SSBP2: variants seen among roughly 807,000 people sequenced by gnomAD.
The protein encoded by SSBP2 is single stranded DNA binding protein 2, also known as single-stranded DNA-binding protein 2.
A neutral mutation model predicts 61.8 loss-of-function variants in SSBP2; 17 were observed. The observed-to-expected ratio is 0.28, with a 90% CI of 0.19 to 0.41. The LOEUF is 0.41. Ranked by LOEUF, SSBP2 falls within the 10% of genes least tolerant of loss-of-function variation. The pLI, the probability that SSBP2 is intolerant of heterozygous loss-of-function variation, is 1.00. For synonymous variants in SSBP2, 139 were observed against 141.3 expected (o/e 0.98, Z 0.12); for missense variants, 310 against 458.7 (o/e 0.68, Z 2.96).
At chr5:81,467,553 A>G (rs1764973074) in intron 8 of SSBP2, among the ~76,000 whole-genome samples, 2 of 152,034 alleles carry the variant, frequency 1.3e-5, no homozygotes, top group African/African-American at 2.4e-5. Flanking sequence ...AAATACACAA[A>G]AAGTATAAAA....
intron 4 of SSBP2, 105 bp downstream of exon 4, chr5:81,615,368 C>T: frequency 1.2e-6 from 1 of 855,636 alleles, no homozygotes; most frequent in African/African-American, 1.7e-5. Context: ...CAAACAATTT[C>T]TTAAGTACCA....
At chr5:81,547,723 T>C (rs960147969) in intron 4 of SSBP2, among the ~76,000 whole-genome samples, 2 of 152,218 alleles carry the variant, frequency 1.3e-5, no homozygotes, top group Admixed American at 1.3e-4. Flanking sequence ...TCCTCCTGCC[T>C]TGGACTCACA....
chr5:81,566,145 T>A (rs1263375527), intron 4 of SSBP2, among the ~76,000 whole-genome samples: 2 of 152,240 alleles, frequency 1.3e-5, no homozygotes, highest in East Asian at 3.8e-4. Context: ...GTAATATATC[T>A]TTATTCAATG....
Position 81,492,975 on chromosome 5 carries a change from G to T in SSBP2, c.373-3666C>A, listed in dbSNP as rs1766970826. ...GTGTGTGGGTGAGGCAGGGAGTGGGGATAAAGGCATATGTTCCTAAGGCAC... is the reference window on the plus strand; with the variant it reads ...GTGTGTGGGTGAGGCAGGGAGTGGGTATAAAGGCATATGTTCCTAAGGCAC... On this transcript the variant is annotated intron_variant, in intron 5 of 16. Transcript: ENST00000320672. 2.0e-5 allele frequency among the ~76,000 whole-genome samples: 3 copies of T among 152,036 alleles called. No homozygotes were observed. The South Asian group carries it at 6.3e-4, about 32-fold the overall frequency.
At chr5:81,662,907 A>G (rs921794347) in intron 1 of SSBP2, among the ~76,000 whole-genome samples, 1 of 152,230 alleles carries the variant, frequency 6.6e-6, no homozygotes, top group African/African-American at 2.4e-5. Flanking sequence ...GCCAACAGGT[A>G]TCATCTAACA....
At chr5:81,614,599 C>T (rs1261076781) in intron 4 of SSBP2, among the ~76,000 whole-genome samples, 1 of 152,168 alleles carries the variant, frequency 6.6e-6, no homozygotes, top group African/African-American at 2.4e-5. Flanking sequence ...CCAGCCTCCA[C>T]AAACTTGACA....
chr5:81,671,268 TCAGAATCA>T (rs1221437012), intron 1 of SSBP2, among the ~76,000 whole-genome samples: 7 of 152,096 alleles, frequency 4.6e-5, no homozygotes, highest in Non-Finnish European at 7.4e-5. Flanking sequence ...AATAAAATAA[TCAGAATCA>T]CAGGGTATTT....
chr5:81,437,373 G>A, intron 15 of SSBP2, 57 bp downstream of exon 15: 2 of 1,487,838 alleles, frequency 1.3e-6, no homozygotes, highest in African/African-American at 2.8e-5. Context: ...TAATTTTAAT[G>A]AGTTCCATGT....
At chr5:81,433,534 C>G (rs1183669110) in intron 15 of SSBP2, among the ~76,000 whole-genome samples, 7 of 149,326 alleles carry the variant, frequency 4.7e-5, no homozygotes, top group Non-Finnish European at 5.9e-5. Context: ...CTTCCCTCCA[C>G]TATTGTCCTA....
At position 81,415,521 on chromosome 5, in the gene SSBP2, A is replaced by T. The variant is rs771107936; in HGVS notation, c.*4983T>A. 2.0e-5 allele frequency: 3 copies of T among 152,090 alleles called. No homozygotes were observed. Among genetic ancestry groups the T allele is most frequent in the South Asian group, 2.1e-4 (1 of 4,828 alleles). 9.4% of individuals were successfully genotyped at this position (152,090 alleles called of 1,614,324 possible). A position where few individuals can be genotyped will look rare whatever the true frequency, so the allele number is the denominator to read the frequency against. ...ATTATTGGTTTTTATTGTTATAAAA[A>T]TTTTTTCCAATATTTTTTATCAGGA... On this transcript the variant is annotated 3_prime_UTR_variant, in exon 17 of 17. Transcript: ENST00000320672.
chr5:81,559,765 T>C (rs1217893786), intron 4 of SSBP2, among the ~76,000 whole-genome samples: 2 of 151,948 alleles, frequency 1.3e-5, no homozygotes, highest in African/African-American at 4.8e-5. Context: ...CCATTTTTAT[T>C]CCATAAAAAT....
At chr5:81,443,210 A>T (rs1033629667) in intron 12 of SSBP2, 1 of 152,128 alleles carries the variant, frequency 6.6e-6, no homozygotes, top group African/African-American at 2.4e-5. Flanking sequence ...AGATTAGAGT[A>T]AGAGTATACA....
chr5:81,674,022 A>C (rs78672414), intron 1 of SSBP2, among the ~76,000 whole-genome samples: 1,961 of 152,290 alleles, frequency 0.013, 37 homozygotes, highest in African/African-American at 0.045. Context: ...AATATCTCCT[A>C]AGTACAAGAT....
chr5:81,602,758 TA>T (rs1744494368), intron 4 of SSBP2, among the ~76,000 whole-genome samples: 1 of 152,192 alleles, frequency 6.6e-6, no homozygotes, highest in Admixed American at 6.5e-5. Context: ...ACACTTTAGA[TA>T]TTCTGCCTGG....
intron 1 of SSBP2, among the ~76,000 whole-genome samples, chr5:81,687,985 A>G (rs373479): frequency 0.75 from 114,416 of 152,090 alleles, 44,320 homozygotes; most frequent in Middle Eastern, 0.91. Flanking sequence ...GAAGGAAGAC[A>G]AAAGGGTACT....
At chr5:81,592,611 C>T (rs1244890504) in intron 4 of SSBP2, among the ~76,000 whole-genome samples, 1 of 152,148 alleles carries the variant, frequency 6.6e-6, no homozygotes, top group Non-Finnish European at 1.5e-5. Context: ...GGACTGACAC[C>T]TTACACAGCC....
intron 3 of SSBP2, among the ~76,000 whole-genome samples, chr5:81,622,556 A>G (rs1287419280): frequency 1.3e-5 from 2 of 152,220 alleles, no homozygotes; most frequent in Non-Finnish European, 2.9e-5. Flanking sequence ...TGCTGAGAAG[A>G]TAAAATTTAT....
At chr5:81,444,099 T>G (rs1561405628) in intron 12 of SSBP2, among the ~76,000 whole-genome samples, 1 of 152,208 alleles carries the variant, frequency 6.6e-6, no homozygotes, top group South Asian at 2.1e-4. Flanking sequence ...ATCTAAATAC[T>G]GTATCTTATT....
At chr5:81,469,070 G>T (rs1190780757) in intron 8 of SSBP2, among the ~76,000 whole-genome samples, 2 of 151,710 alleles carry the variant, frequency 1.3e-5, no homozygotes, top group South Asian at 2.1e-4. Flanking sequence ...CCTCATTTTT[G>T]ATCTTAGAAG....
Sources: allele counts gnomAD v4.1 joint callset (sites outside exome capture counted in the v4.1 genomes callset), GRCh38; gene constraint gnomAD v4.1.1; transcripts MANE v1.5; gene names NCBI Gene and HGNC (gene_info 2026-07-23, HGNC 2026-07-21).